Variants in LRMDA observed in about 807,000 individuals in gnomAD.
LRMDA encodes leucine-rich melanocyte differentiation-associated protein.
In LRMDA, 18 loss-of-function variants were observed where a neutral mutation model predicts 29.8. The observed-to-expected ratio is 0.60, with a 90% CI of 0.42 to 0.90. LRMDA has a LOEUF of 0.90. Among genes scored for constraint, LRMDA ranks in the 40% least tolerant of loss-of-function variants. LRMDA has a pLI of 0.00. For missense variants in LRMDA, 273 were observed against 273.9 expected (o/e 1.00, Z 0.02); for synonymous variants, 125 against 109.4 (o/e 1.14, Z -0.89).
intron 5 of LRMDA, among the ~76,000 whole-genome samples, chr10:76,142,076 CT>C (rs1464828000): frequency 6.6e-6 from 1 of 152,044 alleles, no homozygotes; most frequent in African/African-American, 2.4e-5. Context: ...CATAGCTTCT[CT>C]GTGGTCCTAG....
chr10:76,277,799 G>T (rs1564708790), intron 5 of LRMDA, among the ~76,000 whole-genome samples: 1 of 152,324 alleles, frequency 6.6e-6, no homozygotes, highest in Middle Eastern at 3.4e-3. Flanking sequence ...TCAGAAAATG[G>T]GGTAGGGAGG....
At chr10:75,833,951 G>T (rs1180318999) in intron 2 of LRMDA, among the ~76,000 whole-genome samples, 1 of 152,130 alleles carries the variant, frequency 6.6e-6, no homozygotes, top group Non-Finnish European at 1.5e-5. Context: ...ATTCTGTGTG[G>T]CTTGAGGACC....
chr10:76,147,547 A>G, intron 5 of LRMDA, among the ~76,000 whole-genome samples: 1 of 152,008 alleles, frequency 6.6e-6, no homozygotes, highest in Non-Finnish European at 1.5e-5. Context: ...AGGTCCTTTA[A>G]GGACTTCTCT....
chr10:75,657,129 C>G (rs1841686818), intron 2 of LRMDA, among the ~76,000 whole-genome samples: 1 of 152,236 alleles, frequency 6.6e-6, no homozygotes, highest in South Asian at 2.1e-4. Context: ...CATTTACATA[C>G]TCAGTCTATG....
intron 5 of LRMDA, among the ~76,000 whole-genome samples, chr10:76,129,957 A>G (rs565772271): frequency 1.3e-5 from 2 of 152,318 alleles, no homozygotes; most frequent in African/African-American, 4.8e-5. Context: ...CTTCATATGT[A>G]AAATGGGGTA....
intron 6 of LRMDA, among the ~76,000 whole-genome samples, chr10:76,397,897 G>T (rs1051806712): frequency 6.6e-6 from 1 of 152,158 alleles, no homozygotes; most frequent in African/African-American, 2.4e-5. Flanking sequence ...TTCACTAACC[G>T]AAAAGTATTA....
At chr10:75,718,712 G>A (rs1446403276) in intron 2 of LRMDA, among the ~76,000 whole-genome samples, 1 of 152,192 alleles carries the variant, frequency 6.6e-6, no homozygotes, top group East Asian at 1.9e-4. Flanking sequence ...ATTTAATAAG[G>A]TTTTACTGTA....
At chr10:75,777,247 C>T (rs1422339230) in intron 2 of LRMDA, among the ~76,000 whole-genome samples, 1 of 152,150 alleles carries the variant, frequency 6.6e-6, no homozygotes, top group Non-Finnish European at 1.5e-5. Flanking sequence ...CAAAGCAGAC[C>T]CAACAAGGCT....
chr10:76,456,764 T>C (rs1410334647), intron 6 of LRMDA, among the ~76,000 whole-genome samples: 1 of 152,152 alleles, frequency 6.6e-6, no homozygotes, highest in African/African-American at 2.4e-5. Flanking sequence ...CTGTCCTTTC[T>C]ACCTTCCCGT....
At chr10:76,402,079 A>C (rs915080137) in intron 6 of LRMDA, 3 of 152,264 alleles carry the variant, frequency 2.0e-5, no homozygotes, top group Non-Finnish European at 4.4e-5. Context: ...TGCAGGAAGC[A>C]TGTTACCTTA....
chr10:75,737,061 G>GCACA (rs148786283), intron 2 of LRMDA, among the ~76,000 whole-genome samples: 3 of 147,784 alleles, frequency 2.0e-5, no homozygotes, highest in African/African-American at 7.4e-5. Context: ...ACGCACGCAC[G>GCACA]CACACACACA....
chr10:75,958,017 G>T (rs2132426064), intron 2 of LRMDA, among the ~76,000 whole-genome samples: 1 of 152,136 alleles, frequency 6.6e-6, no homozygotes, highest in African/African-American at 2.4e-5. Context: ...TTGTGCAGAG[G>T]GCAAAAAGGA....
intron 2 of LRMDA, among the ~76,000 whole-genome samples, chr10:75,665,876 A>G (rs1382634468): frequency 6.6e-6 from 1 of 152,212 alleles, no homozygotes; most frequent in African/African-American, 2.4e-5. Flanking sequence ...GCCCTGTATT[A>G]TGCAATTGTT....
rs148896011 is a variant in LRMDA, at chr10:75,526,106, C to T, written c.131+87612C>T. Among the ~76,000 whole-genome samples the T allele has an allele frequency of 4.4e-3, 665 of 151,856 alleles. 2 individuals carry two copies. Among genetic ancestry groups the T allele is most frequent in the African/African-American group, 0.015 (632 of 41,376 alleles). On this transcript the variant is annotated intron_variant, in intron 2 of 6. Transcript: ENST00000611255. ...TTAGAGATGGGGTCTCACTCTGTCACCCAGGCTGGAGTGCAGTGGTGTGAT... is the reference window on the plus strand; with the variant it reads ...TTAGAGATGGGGTCTCACTCTGTCATCCAGGCTGGAGTGCAGTGGTGTGAT...
At chr10:75,727,618 G>A (rs1305574375) in intron 2 of LRMDA, among the ~76,000 whole-genome samples, 1 of 152,066 alleles carries the variant, frequency 6.6e-6, no homozygotes, top group Non-Finnish European at 1.5e-5. Flanking sequence ...GTTCTTTAAC[G>A]TGACAATGCA....
In LRMDA at chr10:75,510,446, C is replaced by A. The variant is rs568676095; in HGVS notation, c.131+71952C>A. 2.0e-5 allele frequency among the ~76,000 whole-genome samples: 3 copies of A among 152,288 alleles called. No homozygotes were observed. In the East Asian group the frequency reaches 5.8e-4, roughly 29 times the overall value. ...GTATGTTACACACTGTAGTTTTGGACTAAAACTTGTTCCTGACATGTTGGG... is the reference window on the plus strand; with the variant it reads ...GTATGTTACACACTGTAGTTTTGGAATAAAACTTGTTCCTGACATGTTGGG... On this transcript the variant is annotated intron_variant, in intron 2 of 6. Transcript: ENST00000611255.
At position 75,841,195 on chromosome 10, in the gene LRMDA, G is replaced by A. The variant is rs563742355; in HGVS notation, c.132-194813G>A. On this transcript the variant is annotated intron_variant, in intron 2 of 6. Transcript: ENST00000611255. Reference sequence around the variant, plus strand: ...TTGGTTCCCGAAGCCTTAGCAAGAGGACAAGATAACATATTTACATGTTGG... The same window carrying A: ...TTGGTTCCCGAAGCCTTAGCAAGAGAACAAGATAACATATTTACATGTTGG... 1.2e-4 allele frequency among the ~76,000 whole-genome samples: 19 copies of A among 152,286 alleles called. No homozygotes were observed. The South Asian group carries it at 3.1e-3, about 25-fold the overall frequency.
At chr10:75,780,995 T>C (rs1843375667) in intron 2 of LRMDA, among the ~76,000 whole-genome samples, 2 of 152,224 alleles carry the variant, frequency 1.3e-5, no homozygotes, top group South Asian at 2.1e-4. Flanking sequence ...TGCCAGAGCA[T>C]GGTGATCTGT....
At chr10:76,519,884 G>C (rs1215125694) in intron 6 of LRMDA, among the ~76,000 whole-genome samples, 1 of 152,172 alleles carries the variant, frequency 6.6e-6, no homozygotes, top group Admixed American at 6.5e-5. Flanking sequence ...TAATCCTTCA[G>C]CTGTCATAGA....
Sources: allele counts gnomAD v4.1 joint callset (sites outside exome capture counted in the v4.1 genomes callset), GRCh38; gene constraint gnomAD v4.1.1; transcripts MANE v1.5; gene names NCBI Gene and HGNC (gene_info 2026-07-23, HGNC 2026-07-21).